The following UGGT2 variants were observed in gnomAD, a reference collection of about 807,000 sequenced individuals.
UGGT2 encodes the protein UDP-glucose glycoprotein glucosyltransferase 2.
UGGT2 carries 180 observed loss-of-function variants against 192.1 expected under a neutral mutation model. The observed-to-expected ratio is 0.94, with a 90% CI of 0.83 to 1.06. The LOEUF is 1.06. Ranked by LOEUF, UGGT2 falls within the 50% of genes least tolerant of loss-of-function variation. The pLI is 0.00. For missense variants in UGGT2, 1,849 were observed against 1,795.7 expected (o/e 1.03, Z -0.54); for synonymous variants, 580 against 591.0 (o/e 0.98, Z 0.27).
chr13:95,807,716 C>CATT (rs370239086), intron 38 of UGGT2, among the ~76,000 whole-genome samples: 1 of 78,706 alleles, frequency 1.3e-5, no homozygotes, highest in Non-Finnish European at 2.6e-5. Flanking sequence ...CAGCCCTCAC[C>CATT]TTTTTTTTTT....
At chr13:95,986,258 A>G (rs2051286279) in intron 9 of UGGT2, 75 bp downstream of exon 9, 1 of 1,047,910 alleles carries the variant, frequency 9.5e-7, no homozygotes, top group Admixed American at 2.1e-5. Context: ...ATGTTAAATG[A>G]AATCAGCTAT....
intron 29 of UGGT2, among the ~76,000 whole-genome samples, chr13:95,875,626 C>A (rs1310841337): frequency 6.6e-6 from 1 of 152,166 alleles, no homozygotes; most frequent in Non-Finnish European, 1.5e-5. Context: ...CTGGAATGTT[C>A]CGTCTGTGGT....
chr13:95,930,190 G>A (rs1333790193), intron 17 of UGGT2, among the ~76,000 whole-genome samples: 4 of 152,122 alleles, frequency 2.6e-5, no homozygotes, highest in East Asian at 1.9e-4. Flanking sequence ...CGGATATACA[G>A]TTTGTGAATA....
At chr13:95,902,580 C>T (rs2048137869) in intron 21 of UGGT2, among the ~76,000 whole-genome samples, 3 of 151,684 alleles carry the variant, frequency 2.0e-5, no homozygotes. Flanking sequence ...ACGCTTTAAC[C>T]CCCAATTCTT....
chr13:95,968,444 A>C (rs2050658712), intron 12 of UGGT2, among the ~76,000 whole-genome samples: 1 of 152,136 alleles, frequency 6.6e-6, no homozygotes, highest in African/African-American at 2.4e-5. Flanking sequence ...CTTACGCTGA[A>C]TTGTAATCCC....
At chr13:95,915,809 G>A (rs1200662259) in intron 20 of UGGT2, among the ~76,000 whole-genome samples, 1 of 152,158 alleles carries the variant, frequency 6.6e-6, no homozygotes, top group Non-Finnish European at 1.5e-5. Flanking sequence ...CTTTAAGCAG[G>A]ACCCCAATCC....
In UGGT2 at chr13:95,859,624, C is replaced by T. The variant is rs755219228; in HGVS notation, c.3792G>A (p.Trp1264Ter). The change falls in exon 33 of 39, where the codon TGG becomes TGA. Residue 1264 changes from tryptophan (W) to a stop codon, truncating the protein, a stop_gained. Transcript: ENST00000376747. LOFTEE classifies it high-confidence loss of function. ...TCGGTGAGAGATAATTTTTTAGCAACCAGAATTTCACTGGTGTTTTGGTGT... is the reference window on the plus strand; with the variant it reads ...TCGGTGAGAGATAATTTTTTAGCAATCAGAATTTCACTGGTGTTTTGGTGT... ...LRNTKTPVKF[W>*]LLKNYLSPTF... 1 of 1,610,144 alleles carries T rather than the reference C, an allele frequency of 6.2e-7. No individual in the cohort carries two copies. The highest frequency in any genetic ancestry group is 1.1e-5 in the South Asian group (1 of 90,550).
At chr13:95,913,421 G>A (rs1006950953) in intron 20 of UGGT2, among the ~76,000 whole-genome samples, 1 of 152,114 alleles carries the variant, frequency 6.6e-6, no homozygotes, top group Non-Finnish European at 1.5e-5. Flanking sequence ...ATCAAAAAGT[G>A]GGCAAAGGAT....
chr13:95,901,536 C>T, intron 21 of UGGT2, among the ~76,000 whole-genome samples: 1 of 152,108 alleles, frequency 6.6e-6, no homozygotes, highest in Non-Finnish European at 1.5e-5. Flanking sequence ...ATACCAATCA[C>T]CTGGTATCTT....
intron 12 of UGGT2, among the ~76,000 whole-genome samples, chr13:95,957,468 A>G (rs2050244621): frequency 6.6e-6 from 1 of 152,192 alleles, no homozygotes; most frequent in Non-Finnish European, 1.5e-5. Context: ...TAGCAGTCTT[A>G]TCAGTGCTTA....
chr13:95,984,159 TA>T (rs2051217446), intron 9 of UGGT2, among the ~76,000 whole-genome samples: 1 of 152,204 alleles, frequency 6.6e-6, no homozygotes, highest in African/African-American at 2.4e-5. Context: ...TGTTTTGCGT[TA>T]TTTTGCCCAA....
chr13:95,860,871 G>C lies in UGGT2; in HGVS notation c.3657C>G (p.Ser1219Arg). 6.4e-7 allele frequency: 1 copy of C among 1,557,962 alleles called. No homozygotes were observed. The highest frequency in any genetic ancestry group is 8.7e-7 in the Non-Finnish European group (1 of 1,153,622). ...LWDSIKSFTV[S>R]LHKENKKEKD... ...TTTCCTTTTTGTTTTCTTTATGCAA[G>C]CTTACTGTGAAACTTGGAATAAAAA... is the stretch of plus-strand genomic sequence containing the variant. The change falls in exon 32 of 39, where the codon AGC (serine) becomes AGG (arginine). Residue 1219 changes from serine to arginine, a missense_variant. Coordinates refer to ENST00000376747, the MANE Select transcript of UGGT2 (RefSeq NM_020121.4).
intron 36 of UGGT2, among the ~76,000 whole-genome samples, chr13:95,841,108 T>G (rs1185419443): frequency 1.3e-5 from 2 of 152,040 alleles, no homozygotes; most frequent in African/African-American, 4.8e-5. Flanking sequence ...ATGTGGGGCT[T>G]AAAACCTAGA....
At position 95,983,837 on chromosome 13, in the gene UGGT2, T is replaced by G; in HGVS notation, c.1059A>C (p.Gln353His). The G allele has an allele frequency of 6.4e-7, 1 of 1,568,756 alleles. No individual in the cohort carries two copies. Among genetic ancestry groups the G allele is most frequent in the Non-Finnish European group, 8.6e-7 (1 of 1,157,842 alleles). Reference sequence around the variant, plus strand: ...TTTCCTTTATTTCTTCTCTCATATGTTGATTTACAGCAATTCTGGTTAGAG... The same window carrying G: ...TTTCCTTTATTTCTTCTCTCATATGGTGATTTACAGCAATTCTGGTTAGAG... ...ARSLTRIAVN[Q>H]HMREEIKENQ... The change falls in exon 10 of 39, where the codon CAA (glutamine) becomes CAC (histidine). Residue 353 changes from glutamine to histidine, a missense_variant. By Grantham distance (24) the Gln-to-His change is conservative. Transcript: ENST00000376747.
At chr13:95,921,480 G>C (rs916702945) in intron 20 of UGGT2, among the ~76,000 whole-genome samples, 2 of 151,968 alleles carry the variant, frequency 1.3e-5, no homozygotes, top group Admixed American at 6.6e-5. Flanking sequence ...GATTCACACT[G>C]TGAATTTTTT....
Position 95,972,600 on chromosome 13 carries a change from C to G in UGGT2, c.1164G>C (p.Met388Ile), listed in dbSNP as rs746061546. 6.2e-7 allele frequency: 1 copy of G among 1,613,242 alleles called. No individual in the cohort carries two copies. The highest frequency in any genetic ancestry group is 1.7e-5 in the Admixed American group (1 of 59,936). ...RLFINGLRVDMDVYDAFSILD... is the reference protein window; with the variant it reads ...RLFINGLRVDIDVYDAFSILD... ...CTTACCTAAAAGCGTCATAAACATC[C>G]ATATCAACACGAAGGCCATTTATAA... Residue 388 changes from methionine to isoleucine, a missense_variant, in exon 11 of 39, where the codon ATG becomes ATC. Met to Ile is a conservative substitution (Grantham distance 10). Transcript: ENST00000376747.
intron 33 of UGGT2, among the ~76,000 whole-genome samples, chr13:95,857,461 G>A (rs1288375869): frequency 6.6e-6 from 1 of 152,038 alleles, no homozygotes; most frequent in East Asian, 1.9e-4. Flanking sequence ...AAAAGGGAGA[G>A]GGAATTATAG....
chr13:95,921,580 T>A (rs185018620), intron 20 of UGGT2, among the ~76,000 whole-genome samples: 5 of 151,776 alleles, frequency 3.3e-5, no homozygotes, highest in Admixed American at 6.6e-5. Flanking sequence ...AAATCTTCCA[T>A]AAACAAATCA....
chr13:95,813,767 ACAGG>A (rs1266172586), intron 38 of UGGT2, among the ~76,000 whole-genome samples: 2 of 152,218 alleles, frequency 1.3e-5, no homozygotes. Context: ...CCTTCCCATT[ACAGG>A]CCCAGAGACC....
Sources: allele counts gnomAD v4.1 joint callset (sites outside exome capture counted in the v4.1 genomes callset), GRCh38; gene constraint gnomAD v4.1.1; transcripts MANE v1.5; gene names NCBI Gene and HGNC (gene_info 2026-07-23, HGNC 2026-07-21).